The following CADPS variants were observed in gnomAD, a reference collection of about 807,000 sequenced individuals.
CADPS encodes calcium-dependent secretion activator 1.
Under a neutral mutation model 167.3 loss-of-function variants are expected in CADPS, and 57 were observed. That is an observed-to-expected ratio of 0.34 (90% confidence interval 0.28 to 0.42). The LOEUF (loss-of-function observed/expected upper bound fraction) is 0.42. CADPS is among the 20% of genes least tolerant of loss of function. CADPS has a pLI of 1.00. For missense variants in CADPS, 1,414 were observed against 1,738.1 expected (o/e 0.81, Z 3.32); for synonymous variants, 676 against 635.3 (o/e 1.06, Z -0.96).
chr3:62,469,659 C>A, intron 24 of CADPS: 1 of 171,948 alleles, frequency 5.8e-6, no homozygotes, highest in Non-Finnish European at 1.3e-5. Context: ...AGGTGTGCGC[C>A]ACCACGCCCA....
chr3:62,725,304 G>C (rs1575524229), intron 3 of CADPS, among the ~76,000 whole-genome samples: 1 of 152,230 alleles, frequency 6.6e-6, no homozygotes, highest in South Asian at 2.1e-4. Context: ...TCTATTTTGA[G>C]TAAATTTTAA....
At chr3:62,423,266 G>T (rs576408539) in intron 28 of CADPS, among the ~76,000 whole-genome samples, 1 of 152,224 alleles carries the variant, frequency 6.6e-6, no homozygotes, top group African/African-American at 2.4e-5. Context: ...TTCACGAAAA[G>T]ACCTGCCCTA....
chr3:62,505,984 C>A (rs1414973551), intron 17 of CADPS, among the ~76,000 whole-genome samples: 2 of 152,176 alleles, frequency 1.3e-5, no homozygotes, highest in African/African-American at 2.4e-5. Context: ...TATCTCTTAT[C>A]CAAAGTCTCT....
intron 3 of CADPS, among the ~76,000 whole-genome samples, chr3:62,681,854 G>A (rs59498998): frequency 0.013 from 1,962 of 152,130 alleles, 56 homozygotes; most frequent in African/African-American, 0.044. Flanking sequence ...ACTGACTTCT[G>A]TAACAGGTAG....
intron 9 of CADPS, among the ~76,000 whole-genome samples, chr3:62,566,210 G>A (rs764554608): frequency 7.9e-5 from 12 of 152,186 alleles, no homozygotes; most frequent in African/African-American, 2.4e-5. Context: ...GAGCAGGGGC[G>A]GGGTTAGGGG....
chr3:62,827,281 C>T (rs894484191), intron 1 of CADPS, among the ~76,000 whole-genome samples: 1 of 152,126 alleles, frequency 6.6e-6, no homozygotes, highest in Non-Finnish European at 1.5e-5. Context: ...AGGATGGCCA[C>T]TTTTCAAGCA....
intron 1 of CADPS, among the ~76,000 whole-genome samples, chr3:62,808,859 C>A (rs2152852555): frequency 6.6e-6 from 1 of 152,246 alleles, no homozygotes; most frequent in South Asian, 2.1e-4. Context: ...ATATGCATTT[C>A]AAACCTAACA....
At chr3:62,680,599 T>C (rs964147310) in intron 3 of CADPS, among the ~76,000 whole-genome samples, 21 of 151,982 alleles carry the variant, frequency 1.4e-4, no homozygotes, top group African/African-American at 5.1e-4. Flanking sequence ...TTGACATGTC[T>C]CCCCTGGACT....
chr3:62,502,408 T>C (rs1486049041), intron 17 of CADPS, among the ~76,000 whole-genome samples: 1 of 151,994 alleles, frequency 6.6e-6, no homozygotes, highest in Non-Finnish European at 1.5e-5. Context: ...GAACTAAAAA[T>C]ATAGTATACT....
chr3:62,810,924 C>G (rs2094363174), intron 1 of CADPS, among the ~76,000 whole-genome samples: 1 of 152,206 alleles, frequency 6.6e-6, no homozygotes, highest in Non-Finnish European at 1.5e-5. Context: ...TTTCTTTTCC[C>G]CTTCCAATTC....
At chr3:62,620,416 G>C (rs528706764) in intron 6 of CADPS, among the ~76,000 whole-genome samples, 2 of 152,216 alleles carry the variant, frequency 1.3e-5, no homozygotes, top group African/African-American at 4.8e-5. Flanking sequence ...CTTGAGCAAG[G>C]TCACTCAACC....
At chr3:62,826,071 T>C (rs1228007071) in intron 1 of CADPS, among the ~76,000 whole-genome samples, 2 of 152,208 alleles carry the variant, frequency 1.3e-5, no homozygotes, top group East Asian at 1.9e-4. Flanking sequence ...AATCCTAATG[T>C]GACCTTGGGA....
chr3:62,769,603 T>C (rs1051256062), intron 1 of CADPS, among the ~76,000 whole-genome samples: 2 of 152,192 alleles, frequency 1.3e-5, no homozygotes, highest in African/African-American at 4.8e-5. Flanking sequence ...ATTTCACATG[T>C]ACACATCTTT....
chr3:62,687,545 G>A (rs886842007), intron 3 of CADPS, among the ~76,000 whole-genome samples: 1 of 151,988 alleles, frequency 6.6e-6, no homozygotes, highest in African/African-American at 2.4e-5. Context: ...AGGGAAGGTT[G>A]TGAGACCCCA....
chr3:62,594,160 T>A (rs1348869962), intron 6 of CADPS, among the ~76,000 whole-genome samples: 10 of 111,706 alleles, frequency 9.0e-5, no homozygotes, highest in Non-Finnish European at 2.0e-4. Context: ...TTATTTTTTT[T>A]ATTTATTTAT....
At chr3:62,767,632 T>C (rs972186852) in intron 1 of CADPS, among the ~76,000 whole-genome samples, 9 of 152,064 alleles carry the variant, frequency 5.9e-5, no homozygotes, top group Non-Finnish European at 1.3e-4. Flanking sequence ...GGAAGCTGGG[T>C]GCTTTCATTA....
chr3:62,842,998 T>C (rs1029305499), intron 1 of CADPS, among the ~76,000 whole-genome samples: 4 of 152,206 alleles, frequency 2.6e-5, no homozygotes, highest in African/African-American at 9.6e-5. Context: ...GTAAAGCACA[T>C]AACAAATGTG....
chr3:62,430,085 C>A (rs757105614), intron 28 of CADPS, among the ~76,000 whole-genome samples: 42 of 152,112 alleles, frequency 2.8e-4, no homozygotes, highest in Non-Finnish European at 5.9e-4. Flanking sequence ...AGAATACCAA[C>A]AAAAAACCCC....
At chr3:62,528,812 C>G (rs2072963822) in intron 13 of CADPS, among the ~76,000 whole-genome samples, 1 of 152,162 alleles carries the variant, frequency 6.6e-6, no homozygotes, top group Non-Finnish European at 1.5e-5. Flanking sequence ...ACTTTATCAT[C>G]TGCAAAATGA....
Sources: allele counts gnomAD v4.1 joint callset (sites outside exome capture counted in the v4.1 genomes callset), GRCh38; gene constraint gnomAD v4.1.1; transcripts MANE v1.5; gene names NCBI Gene and HGNC (gene_info 2026-07-23, HGNC 2026-07-21).